ARHGEF4: variants seen among roughly 807,000 people sequenced by gnomAD.
ARHGEF4 encodes the protein APC-stimulated guanine nucleotide exchange factor 1.
ARHGEF4 carries 119 observed loss-of-function variants against 162.0 expected under a neutral mutation model. The observed-to-expected ratio is 0.73, with a 90% CI of 0.63 to 0.86. ARHGEF4 has a LOEUF of 0.86. Ranked by LOEUF, ARHGEF4 falls within the 40% of genes least tolerant of loss-of-function variation. The pLI, the probability that ARHGEF4 is intolerant of heterozygous loss-of-function variation, is 0.00. For missense variants in ARHGEF4, 2,488 were observed against 2,456.0 expected, an observed-to-expected ratio of 1.01 and a Z score of -0.28; for synonymous variants, 1,014 against 979.9, an observed-to-expected ratio of 1.03 and a Z score of -0.65.
chr2:131,009,846 T>C (rs1688339487), intron 4 of ARHGEF4, among the ~76,000 whole-genome samples: 1 of 152,238 alleles, frequency 6.6e-6, no homozygotes, highest in South Asian at 2.1e-4. Context: ...GACTTTTCTC[T>C]TGGGAACCAA....
intron 5 of ARHGEF4, among the ~76,000 whole-genome samples, chr2:131,033,446 C>T (rs1185810008): frequency 2.0e-5 from 3 of 152,196 alleles, no homozygotes; most frequent in Admixed American, 2.0e-4. Context: ...CTGCTGTAGA[C>T]CCTCCAGCAC....
chr2:131,046,171 G>A lies in ARHGEF4; in HGVS notation c.5613G>A (p.Leu1871=). The change falls in exon 14 of 14, where the codon CTG becomes CTA. Residue 1871 remains leucine (L), a synonymous_variant. Transcript: ENST00000409359. ...PSTFWHSISR[L]APFRK Reference sequence around the variant, plus strand: ...CCTTCTGGCACAGCATCAGCCGGCTGGCACCCTTCCGCAAGTGAACTGGTC... The same window carrying A: ...CCTTCTGGCACAGCATCAGCCGGCTAGCACCCTTCCGCAAGTGAACTGGTC... 2 of 1,612,290 alleles carry A rather than the reference G, an allele frequency of 1.2e-6. No individual in the cohort carries two copies. The highest frequency in any genetic ancestry group is 1.7e-6 in the Non-Finnish European group (2 of 1,179,412).
At chr2:130,926,915 G>T (rs1171287907) in intron 2 of ARHGEF4, among the ~76,000 whole-genome samples, 1 of 134,672 alleles carries the variant, frequency 7.4e-6, no homozygotes, top group African/African-American at 2.7e-5. Context: ...TTTCTGTTGG[G>T]GGGAGAAGTT....
chr2:130,992,220 C>T (rs2105285591), intron 4 of ARHGEF4, among the ~76,000 whole-genome samples: 1 of 152,256 alleles, frequency 6.6e-6, no homozygotes, highest in South Asian at 2.1e-4. Flanking sequence ...TACCAATCAG[C>T]AGGATGTGGG....
At chr2:130,926,809 G>GTTTTTTTTTT (rs1559044315) in intron 2 of ARHGEF4, among the ~76,000 whole-genome samples, 7 of 13,820 alleles carry the variant, frequency 5.1e-4, no homozygotes, top group South Asian at 5.0e-3. Context: ...ACTTCTGGCT[G>GTTTTTTTTTT]ATTTTTTTTT....
intron 3 of ARHGEF4, among the ~76,000 whole-genome samples, chr2:130,939,908 C>A (rs142867894): frequency 6.6e-6 from 1 of 151,996 alleles, no homozygotes; most frequent in Non-Finnish European, 1.5e-5. Context: ...TATGGAAATG[C>A]GATTGATTTT....
At position 131,041,935 on chromosome 2, in the gene ARHGEF4, G is replaced by T. The variant is rs1016159190; in HGVS notation, c.5016G>T (p.Glu1672Asp). 1 of 1,613,084 alleles carries T rather than the reference G, an allele frequency of 6.2e-7. No individual in the cohort carries two copies. Among genetic ancestry groups the T allele is most frequent in the African/African-American group, 1.3e-5 (1 of 74,940 alleles). ...DKIAQWQSSI[E>D]DWEGEDLLVR... The stretch of plus-strand genomic sequence containing the variant: ...TTGCTCAGTGGCAGAGCTCCATAGA[G>T]GACTGGGAGGTGAGGGCCTGGGGGC... The change falls in exon 10 of 14, where the codon GAG becomes GAT. Residue 1672 changes from glutamate (E) to aspartate (D), a missense_variant. Transcript: ENST00000409359.
Position 131,044,486 on chromosome 2 carries a change from G to T in ARHGEF4, c.5345G>T (p.Arg1782Leu), listed in dbSNP as rs759492761. 2 of 1,552,430 alleles carry T rather than the reference G, an allele frequency of 1.3e-6. No individual in the cohort carries two copies. Among genetic ancestry groups the T allele is most frequent in the African/African-American group, 1.4e-5 (1 of 73,170 alleles). ...LCTRKPEQKQ[R>L]WLKAFARERE... ...ACCAGGAAGCCCGAGCAGAAGCAGC[G>T]CTGGCTCAAGGCCTTTGCCAGGGAG... Residue 1782 changes from arginine (R) to leucine (L), a missense_variant, in exon 12 of 14, where the codon CGC becomes CTC. Transcript: ENST00000409359.
chr2:130,936,151 G>A (rs562693871), intron 3 of ARHGEF4, among the ~76,000 whole-genome samples: 31 of 152,312 alleles, frequency 2.0e-4, no homozygotes, highest in African/African-American at 7.0e-4. Context: ...GGAGAAGAAT[G>A]TGTATTCTGT....
At chr2:130,874,650 G>C (rs556877720) in intron 1 of ARHGEF4, among the ~76,000 whole-genome samples, 6 of 152,194 alleles carry the variant, frequency 3.9e-5, no homozygotes, top group South Asian at 2.1e-4. Context: ...ACCCTTTACT[G>C]TTCCCCCCAC....
At chr2:130,855,362 A>C (rs1034720721) in intron 1 of ARHGEF4, among the ~76,000 whole-genome samples, 1 of 152,158 alleles carries the variant, frequency 6.6e-6, no homozygotes, top group Non-Finnish European at 1.5e-5. Flanking sequence ...TGTAACTCTG[A>C]AAAGCTGTTA....
In ARHGEF4 at chr2:130,898,044, A is replaced by C. The variant is rs537066852; in HGVS notation, c.40-15942A>C. On this transcript the variant is annotated intron_variant, in intron 1 of 13. Transcript: ENST00000409359. ...GTACAGGCAGAATACAGGGTTATGC[A>C]TGTGTGTGCTGAGATTAATATTTAA... 7.9e-5 allele frequency among the ~76,000 whole-genome samples: 12 copies of C among 152,332 alleles called. No homozygotes were observed. The South Asian group carries it at 2.1e-3, about 26-fold the overall frequency.
At chr2:130,897,417 C>G (rs544896516) in intron 1 of ARHGEF4, among the ~76,000 whole-genome samples, 2 of 152,318 alleles carry the variant, frequency 1.3e-5, no homozygotes, top group Non-Finnish European at 2.9e-5. Context: ...TAGGTGCTTC[C>G]CATGCGCAGT....
intron 4 of ARHGEF4, among the ~76,000 whole-genome samples, chr2:130,951,655 G>A (rs182404344): frequency 8.6e-5 from 13 of 152,010 alleles, no homozygotes; most frequent in Admixed American, 3.9e-4. Context: ...TTCTAATGTA[G>A]TATTTTAATT....
chr2:131,013,981 G>A (rs906944402), intron 4 of ARHGEF4, among the ~76,000 whole-genome samples: 4 of 152,278 alleles, frequency 2.6e-5, no homozygotes, highest in Middle Eastern at 3.4e-3. Context: ...AATAATTTTT[G>A]TAATGAAAAT....
chr2:130,888,390 G>A (rs1679650355), intron 1 of ARHGEF4, among the ~76,000 whole-genome samples: 1 of 151,804 alleles, frequency 6.6e-6, no homozygotes, highest in South Asian at 2.1e-4. Flanking sequence ...AGAATCACCT[G>A]AACACCGGAG....
intron 5 of ARHGEF4, 114 bp from the exon 6 acceptor site, chr2:131,038,739 T>C: frequency 8.2e-7 from 1 of 1,218,550 alleles, no homozygotes; most frequent in East Asian, 2.5e-5. Flanking sequence ...TCAGCTCCTC[T>C]GTAAAGAAGT....
intron 4 of ARHGEF4, among the ~76,000 whole-genome samples, chr2:130,969,074 G>A (rs927596771): frequency 2.6e-5 from 4 of 151,984 alleles, no homozygotes; most frequent in Admixed American, 6.5e-5. Flanking sequence ...CATTTAGTAC[G>A]CCTAACCTAC....
At position 130,915,908 on chromosome 2, in the gene ARHGEF4, A is replaced by C; in HGVS notation, c.1962A>C (p.Thr654=). The change falls in exon 2 of 14, where the codon ACA becomes ACC. Residue 654 remains threonine (T), a synonymous_variant. Transcript: ENST00000409359. ...SRSNAGPVPE[T]LPRDFPKERP... ...GCAATGCGGGGCCTGTTCCAGAAAC[A>C]CTGCCCCGTGACTTTCCTAAGGAAA... 1 of 1,550,446 alleles carries C rather than the reference A, an allele frequency of 6.4e-7. No individual in the cohort carries two copies. The highest frequency in any genetic ancestry group is 8.7e-7 in the Non-Finnish European group (1 of 1,146,962).
Sources: allele counts gnomAD v4.1 joint callset (sites outside exome capture counted in the v4.1 genomes callset), GRCh38; gene constraint gnomAD v4.1.1; transcripts MANE v1.5; gene names NCBI Gene and HGNC (gene_info 2026-07-23, HGNC 2026-07-21).